The following LRP5 variants were observed in gnomAD, a reference collection of about 807,000 sequenced individuals.
LRP5 encodes the protein low-density lipoprotein receptor-related protein 5.
In LRP5, 62 loss-of-function variants were observed where a neutral mutation model predicts 154.1. That is an observed-to-expected ratio of 0.40 (90% CI 0.33 to 0.50). The LOEUF (loss-of-function observed/expected upper bound fraction) is 0.50. LRP5 is among the 20% of genes least tolerant of loss of function. The probability of loss-of-function intolerance (pLI) is 0.55; values close to 1 mark genes in which losing one functional copy is unlikely to be tolerated. For missense variants in LRP5, 1,915 were observed against 2,336.7 expected (o/e 0.82, Z 3.72); for synonymous variants, 966 against 1,011.5 (o/e 0.96, Z 0.85).
intron 5 of LRP5, among the ~76,000 whole-genome samples, chr11:68,369,256 G>A (rs1373037327): frequency 2.0e-5 from 3 of 152,322 alleles, no homozygotes; most frequent in Admixed American, 2.0e-4. Flanking sequence ...TTGGGAGTGG[G>A]CAGGTGAGAG....
chr11:68,361,615 C>T (rs565015472), intron 3 of LRP5, among the ~76,000 whole-genome samples: 6 of 150,552 alleles, frequency 4.0e-5, no homozygotes, highest in East Asian at 3.9e-4. Context: ...CCAGCCTGGG[C>T]GACAGAGCGA....
chr11:68,395,281 A>G (rs534850119), intron 7 of LRP5, among the ~76,000 whole-genome samples: 180 of 148,516 alleles, frequency 1.2e-3, no homozygotes, highest in African/African-American at 4.4e-3. Flanking sequence ...AGCCTGGGCC[A>G]CAGAGTGAGA....
intron 18 of LRP5, among the ~76,000 whole-genome samples, chr11:68,435,499 C>T (rs113873753): frequency 6.0e-5 from 6 of 100,282 alleles, no homozygotes; most frequent in South Asian, 5.3e-4. Context: ...AGAGAGAGAG[C>T]GCCTCTCCCT....
At chr11:68,373,010 G>C (rs1475205129) in intron 5 of LRP5, among the ~76,000 whole-genome samples, 1 of 152,028 alleles carries the variant, frequency 6.6e-6, no homozygotes, top group Non-Finnish European at 1.5e-5. Flanking sequence ...CAGAAGAAAC[G>C]GGGCAGGTGG....
In LRP5 at chr11:68,413,741, G is replaced by T; in HGVS notation, c.2556G>T (p.Thr852=). ...ATCTCCCGCACCCGTTCGGTCTGAC[G>T]CAGTACAGCGATTATATCTACTGGA... ...ADDLPHPFGL[T]QYSDYIYWTD... Residue 852 remains threonine (T), a synonymous_variant, in exon 12 of 23, where the codon ACG becomes ACT. Coordinates refer to ENST00000294304, the MANE Select transcript of LRP5 (RefSeq NM_002335.4). The surrounding 1 kb of genome is among the most constrained non-coding windows in gnomAD (Gnocchi z 5.1). 6.2e-7 allele frequency: 1 copy of T among 1,613,848 alleles called. No individual in the cohort carries two copies. The highest frequency in any genetic ancestry group is 2.2e-5 in the East Asian group (1 of 44,880).
chr11:68,351,579 C>G (rs2098618604), intron 2 of LRP5, among the ~76,000 whole-genome samples: 1 of 152,160 alleles, frequency 6.6e-6, no homozygotes, highest in Non-Finnish European at 1.5e-5. Flanking sequence ...ACCTGCGCTC[C>G]TCCTGTCATT....
chr11:68,403,757 G>A, intron 8 of LRP5, 58 bp downstream of exon 8: 1 of 1,601,668 alleles, frequency 6.2e-7, no homozygotes, highest in Non-Finnish European at 8.5e-7. Context: ...TGAGGAGGAA[G>A]TGACGGGTCC....
At chr11:68,307,182 C>CA in the LRP5 span, among the ~76,000 whole-genome samples, 44 of 141,380 alleles carry the variant, frequency 3.1e-4, no homozygotes, top group East Asian at 1.2e-3. Flanking sequence ...AACTGCAACT[C>CA]AAAAAAAAAA....
chr11:68,308,623 TAA>T (rs2098585439), upstream of LRP5, among the ~76,000 whole-genome samples: 1 of 152,174 alleles, frequency 6.6e-6, no homozygotes, highest in South Asian at 2.1e-4. Flanking sequence ...TCCTGCAGAA[TAA>T]AATAGTGCTG....
intron 17 of LRP5, 109 bp from the exon 18 acceptor site, chr11:68,433,493 A>C (rs2098673073): frequency 2.0e-6 from 2 of 998,634 alleles, no homozygotes; most frequent in Non-Finnish European, 3.2e-6. Flanking sequence ...CAGGGATGCC[A>C]AACCCGCGCT....
intron 2 of LRP5, among the ~76,000 whole-genome samples, chr11:68,350,565 T>A (rs531890254): frequency 1.2e-4 from 19 of 152,318 alleles, no homozygotes; most frequent in Non-Finnish European, 2.5e-4. Context: ...TCCCCCTGAC[T>A]CCCATGGTGC....
At chr11:68,325,690 C>T (rs892264749) in intron 1 of LRP5, among the ~76,000 whole-genome samples, 1 of 152,174 alleles carries the variant, frequency 6.6e-6, no homozygotes. Flanking sequence ...TGCGCAGCCT[C>T]CAGAGAAGCC....
intron 5 of LRP5, among the ~76,000 whole-genome samples, chr11:68,366,870 C>G (rs754121029): frequency 1.3e-5 from 2 of 152,138 alleles, no homozygotes; most frequent in Non-Finnish European, 2.9e-5. Context: ...ATTCGTTCAT[C>G]CATCCATTTG....
chr11:68,312,835 C>T (rs1481946172), intron 1 of LRP5, 30 bp downstream of exon 1: 93 of 1,012,010 alleles, frequency 9.2e-5, no homozygotes, highest in Non-Finnish European at 1.1e-4. Context: ...CCGGGGGCCG[C>T]GGGTTGCTCG....
In LRP5 at chr11:68,429,661, G is replaced by A. The variant is rs752100070; in HGVS notation, c.3724G>A (p.Val1242Ile). ...TGGGACACCACGGTGCTCATGCCCA[G>A]TCCACCTCGTGCTCCTGCAGAACCT... ...GDGTPRCSCP[V>I]HLVLLQNLLT... Residue 1242 changes from valine (V) to isoleucine (I), a missense_variant, in exon 17 of 23, where the codon GTC becomes ATC. Around this residue, in one of 3 missense-constraint regions of LRP5, gnomAD observed 1,094 missense variants for 1,210.1 expected, o/e 0.90. Coordinates refer to ENST00000294304, the MANE Select transcript of LRP5 (RefSeq NM_002335.4). The A allele has an allele frequency of 1.9e-6, 3 of 1,614,054 alleles. No individual in the cohort carries two copies. Among genetic ancestry groups the A allele is most frequent in the African/African-American group, 1.3e-5 (1 of 74,922 alleles).
At chr11:68,312,445 T>C (rs931145427), upstream of LRP5, among the ~76,000 whole-genome samples, 30 of 148,386 alleles carry the variant, frequency 2.0e-4, no homozygotes, top group Non-Finnish European at 3.7e-4. Context: ...CGCGGGGACC[T>C]GCGCCGCTGG....
At chr11:68,343,371 T>C (rs2098610267) in intron 1 of LRP5, among the ~76,000 whole-genome samples, 1 of 151,736 alleles carries the variant, frequency 6.6e-6, no homozygotes. Flanking sequence ...TGTATTTGTG[T>C]GTGTGTGTGT....
intron 19 of LRP5, 78 bp downstream of exon 19, chr11:68,437,077 T>A: frequency 7.9e-7 from 1 of 1,264,110 alleles, no homozygotes; most frequent in Admixed American, 1.7e-5. Flanking sequence ...GGAGGAGACG[T>A]GCCTTTCCAG....
At chr11:68,403,979 G>A (rs527800622) in intron 8 of LRP5, 8 of 536,658 alleles carry the variant, frequency 1.5e-5, no homozygotes, top group Admixed American at 9.5e-5. Context: ...GGGAGCCTTC[G>A]TGCCCACAGT....
Sources: gnomAD v4.1 joint callset for allele counts (sites outside exome capture counted in the v4.1 genomes callset) on GRCh38, gnomAD v4.1.1 for gene constraint, gnomAD v4.1.1 regional missense constraint, Gnocchi (gnomAD v3.1) non-coding constraint, MANE v1.5 for transcripts, NCBI Gene and HGNC (gene_info 2026-07-23, HGNC 2026-07-21) for gene names.